ALDH1A2: variants seen among roughly 807,000 people sequenced by gnomAD.
ALDH1A2 encodes the protein aldehyde dehydrogenase 1 family member A2.
A neutral mutation model predicts 60.3 loss-of-function variants in ALDH1A2; 27 were observed. The ratio of observed to expected loss-of-function variants is 0.45; its 90% CI spans 0.33 to 0.62. ALDH1A2 has a LOEUF of 0.62. Ranked by LOEUF, ALDH1A2 falls within the 20% of genes least tolerant of loss-of-function variation. The pLI is 0.02. For missense variants in ALDH1A2, 581 were observed against 643.8 expected, an observed-to-expected ratio of 0.90 and a Z score of 1.06; for synonymous variants, 289 against 232.4, an observed-to-expected ratio of 1.24 and a Z score of -2.21.
chr15:57,977,013 G>T (rs1238924410), intron 7 of ALDH1A2, among the ~76,000 whole-genome samples: 1 of 151,882 alleles, frequency 6.6e-6, no homozygotes. Context: ...CTAGTGACCA[G>T]TAATGATGAG....
At chr15:58,003,695 C>T (rs1895352088) in intron 4 of ALDH1A2, among the ~76,000 whole-genome samples, 1 of 151,786 alleles carries the variant, frequency 6.6e-6, no homozygotes, top group South Asian at 2.1e-4. Flanking sequence ...TCCTTCATCA[C>T]AAAGAGGTTG....
At chr15:58,062,617 G>A (rs1260998558) in intron 1 of ALDH1A2, among the ~76,000 whole-genome samples, 1 of 152,154 alleles carries the variant, frequency 6.6e-6, no homozygotes, top group African/African-American at 2.4e-5. Context: ...GCAAAGGAGA[G>A]CGCATTCTCT....
At chr15:58,030,543 A>T (rs1595678002) in intron 1 of ALDH1A2, among the ~76,000 whole-genome samples, 1 of 152,320 alleles carries the variant, frequency 6.6e-6, no homozygotes, top group East Asian at 1.9e-4. Context: ...TGGTCAGGGC[A>T]ATCAGAGAAG....
At chr15:58,010,424 A>G (rs549587736) in intron 4 of ALDH1A2, among the ~76,000 whole-genome samples, 1 of 152,246 alleles carries the variant, frequency 6.6e-6, no homozygotes, top group African/African-American at 2.4e-5. Context: ...TCCTTAGATG[A>G]ATGATGTATT....
intron 1 of ALDH1A2, among the ~76,000 whole-genome samples, chr15:58,028,833 T>C (rs1794259464): frequency 6.6e-6 from 1 of 152,088 alleles, no homozygotes; most frequent in Non-Finnish European, 1.5e-5. Flanking sequence ...AGGGATCAAT[T>C]CAACAAGAAG....
At chr15:58,016,515 T>C (rs1895794223) in intron 1 of ALDH1A2, among the ~76,000 whole-genome samples, 1 of 152,186 alleles carries the variant, frequency 6.6e-6, no homozygotes, top group Admixed American at 6.5e-5. Context: ...CTTTTGTTTC[T>C]TACAGGTTTT....
At chr15:58,028,916 T>TAC (rs1896154720) in intron 1 of ALDH1A2, among the ~76,000 whole-genome samples, 1 of 152,136 alleles carries the variant, frequency 6.6e-6, no homozygotes, top group Admixed American at 6.5e-5. Flanking sequence ...CTTAGAGACC[T>TAC]ACAAAGAGAC....
intron 1 of ALDH1A2, among the ~76,000 whole-genome samples, chr15:58,061,607 A>C (rs1477233326): frequency 4.4e-5 from 6 of 137,898 alleles, no homozygotes; most frequent in South Asian, 2.2e-4. Context: ...AAAAAAAAAA[A>C]AACAAAAAAA....
In ALDH1A2 at chr15:58,010,758, A is replaced by C. The variant is rs1895609512; in HGVS notation, c.384T>G (p.Gly128=). 2 of 1,613,428 alleles carry C rather than the reference A, an allele frequency of 1.2e-6. No homozygotes were observed. Among genetic ancestry groups the C allele is most frequent in the Non-Finnish European group, 1.7e-6 (2 of 1,179,476 alleles). The change falls in exon 4 of 13, where the codon GGT becomes GGG. Residue 128 remains glycine, a synonymous_variant. Coordinates refer to ENST00000249750, the MANE Select transcript of ALDH1A2 (RefSeq NM_003888.4). ...AAAAAGCTTGCAGGAATGGTTTGCC[A>C]CCATTTAGGGATTCCATGGTCTGTT... The part of the protein sequence containing the change: ...AVLATMESLN[G]GKPFLQAFYV...
chr15:57,956,372 A>G (rs1234772736), intron 12 of ALDH1A2, among the ~76,000 whole-genome samples: 14 of 152,250 alleles, frequency 9.2e-5, no homozygotes, highest in Admixed American at 9.2e-4. Flanking sequence ...CTTTTGAAAC[A>G]GTCAGTGTAC....
intron 7 of ALDH1A2, among the ~76,000 whole-genome samples, chr15:57,992,281 A>G (rs562697721): frequency 9.2e-4 from 140 of 152,308 alleles, no homozygotes; most frequent in African/African-American, 3.1e-3. Flanking sequence ...GCCCTGCTCT[A>G]TATCATCTCT....
At chr15:57,973,213 T>C (rs537054235) in intron 7 of ALDH1A2, among the ~76,000 whole-genome samples, 18 of 152,326 alleles carry the variant, frequency 1.2e-4, no homozygotes, top group Admixed American at 3.3e-4. Context: ...TTTATTGAAG[T>C]TGTTTATTGA....
intron 1 of ALDH1A2, among the ~76,000 whole-genome samples, chr15:58,031,697 A>AT (rs1369929051): frequency 4.6e-5 from 7 of 152,044 alleles, no homozygotes; most frequent in Non-Finnish European, 8.8e-5. Context: ...GTGGGCAAAG[A>AT]ATGAACAGAC....
intron 4 of ALDH1A2, among the ~76,000 whole-genome samples, chr15:57,999,175 G>A (rs114096112): frequency 3.1e-3 from 477 of 152,134 alleles, no homozygotes; most frequent in African/African-American, 0.011. Context: ...AAAAGCAATC[G>A]CAACAAAAGC....
At chr15:58,034,215 G>C (rs557093024) in intron 1 of ALDH1A2, among the ~76,000 whole-genome samples, 3 of 151,404 alleles carry the variant, frequency 2.0e-5, no homozygotes, top group East Asian at 1.9e-4. Flanking sequence ...TTATTCCTAA[G>C]CATTTCAGTG....
chr15:58,016,689 T>C (rs1566949990), intron 1 of ALDH1A2, among the ~76,000 whole-genome samples: 1 of 152,186 alleles, frequency 6.6e-6, no homozygotes, highest in African/African-American at 2.4e-5. Flanking sequence ...AGTATTTTGC[T>C]ACTTCATCAT....
At chr15:57,990,302 CG>C (rs1380298502) in intron 7 of ALDH1A2, 1 of 152,044 alleles carries the variant, frequency 6.6e-6, no homozygotes, top group East Asian at 1.9e-4. Flanking sequence ...TACACATATA[CG>C]TGTGTGTATA....
chr15:57,966,525 C>T (rs552395303), intron 7 of ALDH1A2, among the ~76,000 whole-genome samples: 100 of 152,342 alleles, frequency 6.6e-4, no homozygotes, highest in African/African-American at 2.2e-3. Flanking sequence ...CAAGGCAGAA[C>T]TCTACCTCAG....
intron 7 of ALDH1A2, among the ~76,000 whole-genome samples, chr15:57,977,547 C>T (rs1437153682): frequency 6.6e-6 from 1 of 152,108 alleles, no homozygotes; most frequent in Non-Finnish European, 1.5e-5. Flanking sequence ...TTTCTGAGGC[C>T]TCTGTTCTGT....
Sources: gnomAD v4.1 joint callset for allele counts (sites outside exome capture counted in the v4.1 genomes callset) on GRCh38, gnomAD v4.1.1 for gene constraint, MANE v1.5 for transcripts, NCBI Gene and HGNC (gene_info 2026-07-23, HGNC 2026-07-21) for gene names.